ARHGAP6: variants seen among roughly 807,000 people sequenced by gnomAD.
The protein encoded by ARHGAP6 is rho GTPase-activating protein 6.
A neutral mutation model predicts 55.7 loss-of-function variants in ARHGAP6; 16 were observed. The observed-to-expected ratio is 0.29, with a 90% CI of 0.19 to 0.44. The LOEUF (loss-of-function observed/expected upper bound fraction) is 0.44. Ranked by LOEUF, ARHGAP6 falls within the 20% of genes least tolerant of loss-of-function variation. ARHGAP6 has a pLI of 1.00. For synonymous variants in ARHGAP6, 382 were observed against 360.9 expected (o/e 1.06, Z -0.66); for missense variants, 698 against 808.9 (o/e 0.86, Z 1.66).
intron 1 of ARHGAP6, among the ~76,000 whole-genome samples, chrX:11,353,715 C>A (rs1267383706): frequency 9.1e-6 from 1 of 109,902 alleles, no homozygotes; most frequent in East Asian, 2.8e-4. Context: ...GGCAAGTAGC[C>A]CAAATGAATT....
chrX:11,249,841 C>T lies in ARHGAP6; in HGVS notation c.748+4707G>A, dbSNP rs750432386. Among the ~76,000 whole-genome samples the T allele has an allele frequency of 1.8e-4, 20 of 110,751 alleles. No homozygotes were observed. In the East Asian group the frequency reaches 5.6e-3, roughly 31 times the overall value. On this transcript the variant is annotated intron_variant, in intron 2 of 12. Coordinates refer to ENST00000337414, the MANE Select transcript of ARHGAP6 (RefSeq NM_013427.3). ...TTTTTAAAATGTAGTGAAACTTGTT[C>T]CTCTCTTTGTTTATGTTTTCTGGGT... is the stretch of plus-strand genomic sequence containing the variant.
At chrX:11,147,686 T>A (rs766083060) in intron 10 of ARHGAP6, among the ~76,000 whole-genome samples, 2,600 of 112,721 alleles carry the variant, frequency 0.023, 72 homozygotes, top group African/African-American at 0.08. Context: ...GTAAAATCTA[T>A]AAAGTTCTGT....
intron 1 of ARHGAP6, among the ~76,000 whole-genome samples, chrX:11,652,886 T>C (rs758040681): frequency 4.0e-4 from 45 of 112,233 alleles, no homozygotes; most frequent in Non-Finnish European, 7.5e-4. Context: ...CTTCCTAATA[T>C]TCTATTTGCT....
At chrX:11,266,062 TGTGTGTGTGTGA>T (rs1177717358) in intron 1 of ARHGAP6, 14 of 424,802 alleles carry the variant, frequency 3.3e-5, no homozygotes, top group South Asian at 1.7e-4. Flanking sequence ...TGTGTGTGTG[TGTGTGTGTGTGA>T]GAGAGAGAGA....
intron 1 of ARHGAP6, among the ~76,000 whole-genome samples, chrX:11,635,025 C>T (rs2147179832): frequency 9.0e-6 from 1 of 110,583 alleles, no homozygotes; most frequent in African/African-American, 3.2e-5. Flanking sequence ...GAAATCAGTT[C>T]CTTGCTGGCT....
chrX:11,274,067 T>G (rs2047725172), intron 1 of ARHGAP6, among the ~76,000 whole-genome samples: 1 of 111,433 alleles, frequency 9.0e-6, no homozygotes, highest in African/African-American at 3.3e-5. Flanking sequence ...CCTGAGTTTG[T>G]GGTCTTAACC....
At chrX:11,348,715 T>C (rs1346072233) in intron 1 of ARHGAP6, among the ~76,000 whole-genome samples, 1 of 112,036 alleles carries the variant, frequency 8.9e-6, no homozygotes, top group East Asian at 2.8e-4. Flanking sequence ...AGCAATGTGA[T>C]CTTGGCTCAC....
chrX:11,484,750 GCTT>G (rs1470881250), intron 1 of ARHGAP6, among the ~76,000 whole-genome samples: 1 of 112,146 alleles, frequency 8.9e-6, no homozygotes, highest in Non-Finnish European at 1.9e-5. Context: ...TTTACTGGCT[GCTT>G]CTTGTCATAT....
intron 1 of ARHGAP6, among the ~76,000 whole-genome samples, chrX:11,623,176 T>TA (rs1312345924): frequency 1.8e-5 from 2 of 111,447 alleles, no homozygotes; most frequent in African/African-American, 6.5e-5. Flanking sequence ...AAAGACTCTT[T>TA]AAAAAAATCC....
At chrX:11,402,730 C>G (rs1459501384) in intron 1 of ARHGAP6, among the ~76,000 whole-genome samples, 3 of 111,845 alleles carry the variant, frequency 2.7e-5, no homozygotes, top group Non-Finnish European at 5.6e-5. Context: ...CTGCCACTCC[C>G]CTATTCTCTC....
chrX:11,509,122 T>C (rs2147865152), intron 1 of ARHGAP6, among the ~76,000 whole-genome samples: 1 of 111,837 alleles, frequency 8.9e-6, no homozygotes, highest in African/African-American at 3.2e-5. Context: ...CATAATCCCA[T>C]GAGAAGATCT....
rs147597236 is a variant in ARHGAP6 at position 11,247,369 on chromosome X, T to C, written c.748+7179A>G. On this transcript the variant is annotated intron_variant, in intron 2 of 12. Coordinates refer to ENST00000337414, the MANE Select transcript of ARHGAP6 (RefSeq NM_013427.3). ...TTATAGAACCATTCAACTGTAAATA[T>C]TGGTTTACAATATAATAAGGTTAAG... Among the ~76,000 whole-genome samples, 237 of 112,540 alleles carry C rather than the reference T, an allele frequency of 2.1e-3. 1 individual carries two copies. The highest frequency in any genetic ancestry group is 7.3e-3 in the African/African-American group (226 of 31,056).
At chrX:11,419,851 T>C (rs1045472695) in intron 1 of ARHGAP6, among the ~76,000 whole-genome samples, 1 of 113,016 alleles carries the variant, frequency 8.8e-6, no homozygotes, top group Non-Finnish European at 1.9e-5. Context: ...TCTGTTGCTG[T>C]TGCCATGGCA....
chrX:11,472,952 T>C (rs1393640114), intron 1 of ARHGAP6, among the ~76,000 whole-genome samples: 1 of 110,834 alleles, frequency 9.0e-6, no homozygotes, highest in East Asian at 2.8e-4. Context: ...CTCTAATTCT[T>C]GGCCCCACTC....
intron 1 of ARHGAP6, among the ~76,000 whole-genome samples, chrX:11,575,748 G>C (rs2051589134): frequency 8.9e-6 from 1 of 112,148 alleles, no homozygotes; most frequent in South Asian, 3.7e-4. Context: ...AAGCAACAAG[G>C]ATTCCAGAAT....
intron 1 of ARHGAP6, among the ~76,000 whole-genome samples, chrX:11,634,893 C>T (rs1315189308): frequency 8.9e-6 from 1 of 111,954 alleles, no homozygotes; most frequent in Non-Finnish European, 1.9e-5. Context: ...TTCACAAAGC[C>T]ATGATCAAGG....
chrX:11,160,660 C>G lies in ARHGAP6; in HGVS notation c.1810-4034G>C, dbSNP rs779732745. On this transcript the variant is annotated intron_variant, in intron 9 of 12. Coordinates refer to ENST00000337414, the MANE Select transcript of ARHGAP6 (RefSeq NM_013427.3). ...AGAAGTATCATTACTTAAAAAATAA[C>G]TTTCCATAAATTTTTGTCAAGCTAG... Among the ~76,000 whole-genome samples, 9 of 111,735 alleles carry G rather than the reference C, an allele frequency of 8.1e-5. 1 individual carries two copies. Among genetic ancestry groups the G allele is most frequent in the South Asian group, 3.7e-4 (1 of 2,682 alleles).
chrX:11,246,568 T>A (rs1349277801), intron 2 of ARHGAP6, among the ~76,000 whole-genome samples: 7 of 112,011 alleles, frequency 6.2e-5, no homozygotes, highest in Non-Finnish European at 3.8e-5. Context: ...GCAGTACAGA[T>A]GATGTTCCAG....
intron 1 of ARHGAP6, among the ~76,000 whole-genome samples, chrX:11,563,379 G>A (rs2051409151): frequency 2.7e-5 from 3 of 110,895 alleles, no homozygotes; most frequent in Admixed American, 1.9e-4. Flanking sequence ...CAAAAGTAAT[G>A]GAACAGGCAT....
Sources: allele counts gnomAD v4.1 joint callset (sites outside exome capture counted in the v4.1 genomes callset), GRCh38; gene constraint gnomAD v4.1.1; transcripts MANE v1.5; gene names NCBI Gene and HGNC (gene_info 2026-07-23, HGNC 2026-07-21).